BTBD16: variants seen among roughly 807,000 people sequenced by gnomAD.
The protein encoded by BTBD16 is BTB domain containing 16.
BTBD16 carries 66 observed loss-of-function variants against 67.4 expected under a neutral mutation model. The observed-to-expected ratio is 0.98, with a 90% CI of 0.80 to 1.20. The LOEUF is 1.20. Among genes scored for constraint, BTBD16 ranks in the 50% most tolerant of loss-of-function variants. The pLI is 0.00. For missense variants in BTBD16, 634 were observed against 616.0 expected (o/e 1.03, Z -0.31); for synonymous variants, 242 against 236.4 (o/e 1.02, Z -0.22).
chr10:122,274,219 T>G (rs534412886), intron 1 of BTBD16, among the ~76,000 whole-genome samples: 1 of 152,328 alleles, frequency 6.6e-6, no homozygotes, highest in African/African-American at 2.4e-5. Flanking sequence ...TTAGTCAAGG[T>G]GTCTGCCCTC....
chr10:122,291,359 C>A, intron 7 of BTBD16, 165 bp downstream of exon 7: 1 of 843,112 alleles, frequency 1.2e-6, no homozygotes, highest in Non-Finnish European at 1.7e-6. Context: ...GACACTAATT[C>A]ACACTAACAG....
At chr10:122,335,809 T>G (rs1210248077) in intron 14 of BTBD16, among the ~76,000 whole-genome samples, 1 of 152,220 alleles carries the variant, frequency 6.6e-6, no homozygotes, top group Non-Finnish European at 1.5e-5. Context: ...CATATCTTAT[T>G]AATCTTTTTA....
chr10:122,277,093 G>A (rs2096342329), intron 3 of BTBD16, among the ~76,000 whole-genome samples, 154 bp downstream of exon 3: 1 of 152,132 alleles, frequency 6.6e-6, no homozygotes, highest in Admixed American at 6.5e-5. Context: ...GGCATGGACA[G>A]GGTCATAAGT....
Position 122,291,091 on chromosome 10 carries a change from GC to G in BTBD16, c.490del (p.Leu164Ter). On this transcript the variant is annotated frameshift_variant, in exon 7 of 16. Transcript: ENST00000260723. LOFTEE classifies it high-confidence loss of function. ...PLVTKVAFAT[A>X]LKNLYMSEVE... ...CTGTGCCTCCCCAGCCTTCGCCACG[GC>G]CCTGAAGAACCTCTACATGAGTGAG... is the stretch of plus-strand genomic sequence containing the variant. 6.2e-7 allele frequency: 1 copy of G among 1,611,614 alleles called. No individual in the cohort carries two copies. Among genetic ancestry groups the G allele is most frequent in the East Asian group, 2.2e-5 (1 of 44,764 alleles).
chr10:122,286,024 G>T lies in BTBD16; in HGVS notation c.242-81G>T. On this transcript the variant is annotated intron_variant, in intron 4 of 15. Coordinates refer to ENST00000260723, the MANE Select transcript of BTBD16 (RefSeq NM_144587.5). Reference sequence around the variant, plus strand: ...GTGCTTAATGATCCACCGAGCAAAGGAGCTGGGGGAGAGGAAGCTGATGCA... The same window carrying T: ...GTGCTTAATGATCCACCGAGCAAAGTAGCTGGGGGAGAGGAAGCTGATGCA... 2.2e-6 allele frequency: 3 copies of T among 1,363,218 alleles called. No homozygotes were observed. In the South Asian group the frequency reaches 4.0e-5, roughly 18 times the overall value. The allele number at this position is 1,363,218 out of a possible 1,614,324, so 84.4% of individuals were successfully genotyped here. A position where few individuals can be genotyped will look rare whatever the true frequency, so the allele number is the denominator to read the frequency against.
At chr10:122,333,005 C>T (rs2096457693) in intron 13 of BTBD16, 4 of 981,342 alleles carry the variant, frequency 4.1e-6, no homozygotes, top group Non-Finnish European at 4.8e-6. Flanking sequence ...GGCATCTTGG[C>T]ACTTAGTGAC....
chr10:122,327,631 A>C, intron 10 of BTBD16: 1 of 985,390 alleles, frequency 1.0e-6, no homozygotes, highest in Non-Finnish European at 1.2e-6. Flanking sequence ...TCATCCACAA[A>C]AGTGGGCATC....
At chr10:122,314,483 G>A (rs2096420301) in intron 10 of BTBD16, among the ~76,000 whole-genome samples, 1 of 151,950 alleles carries the variant, frequency 6.6e-6, no homozygotes, top group South Asian at 2.1e-4. Context: ...CAGCCTAGAT[G>A]GCAAAGTGAG....
intron 10 of BTBD16, among the ~76,000 whole-genome samples, chr10:122,320,630 A>G (rs184011069): frequency 1.2e-4 from 19 of 152,186 alleles, no homozygotes; most frequent in African/African-American, 2.4e-4. Context: ...TCTTTGACCT[A>G]TGGATTATTT....
rs572340061 is a variant in BTBD16, at chr10:122,332,540, G to A, written c.1164+27G>A. The A allele has an allele frequency of 2.6e-5, 41 of 1,597,036 alleles. No individual in the cohort carries two copies. In the South Asian group the frequency reaches 3.6e-4, roughly 14 times the overall value. On this transcript the variant is annotated intron_variant, in intron 13 of 15. Transcript: ENST00000260723. Reference sequence around the variant, plus strand: ...TACTGAGAACTGTACCCGAACAAGGGGAAGAACTGTTCCTCTCGTGCTTAG... The same window carrying A: ...TACTGAGAACTGTACCCGAACAAGGAGAAGAACTGTTCCTCTCGTGCTTAG...
At chr10:122,337,261 G>T (rs1180920930) in intron 15 of BTBD16, among the ~76,000 whole-genome samples, 1 of 152,212 alleles carries the variant, frequency 6.6e-6, no homozygotes, top group East Asian at 1.9e-4. Flanking sequence ...GCCCCACCCA[G>T]ATCACCAGAC....
chr10:122,323,350 A>G, intron 10 of BTBD16, among the ~76,000 whole-genome samples: 1 of 152,166 alleles, frequency 6.6e-6, no homozygotes, highest in East Asian at 1.9e-4. Context: ...GCTACATTTC[A>G]AGTGGAACAG....
At chr10:122,327,461 C>A in intron 10 of BTBD16, 1 of 356,102 alleles carries the variant, frequency 2.8e-6, no homozygotes, top group Non-Finnish European at 3.9e-6. Flanking sequence ...CTCCCCAAGG[C>A]ACCACCTGTG....
intron 2 of BTBD16, 69 bp from the exon 3 acceptor site, chr10:122,276,722 T>G: frequency 6.3e-7 from 1 of 1,576,564 alleles, no homozygotes; most frequent in Non-Finnish European, 8.6e-7. Flanking sequence ...TGCTATACAA[T>G]TTGGAAAATC....
chr10:122,289,095 A>T (rs976480677), intron 5 of BTBD16, among the ~76,000 whole-genome samples: 2 of 152,042 alleles, frequency 1.3e-5, no homozygotes, highest in Non-Finnish European at 2.9e-5. Context: ...CCCAGAGTGG[A>T]GCTCTCTGGG....
At chr10:122,279,535 C>CACACAT (rs1554886556) in intron 3 of BTBD16, among the ~76,000 whole-genome samples, 1 of 151,790 alleles carries the variant, frequency 6.6e-6, no homozygotes, top group Non-Finnish European at 1.5e-5. Flanking sequence ...CACACACACA[C>CACACAT]ACACACACAC....
intron 10 of BTBD16, among the ~76,000 whole-genome samples, chr10:122,320,223 G>A (rs185890448): frequency 2.0e-5 from 3 of 152,018 alleles, no homozygotes; most frequent in Non-Finnish European, 4.4e-5. Context: ...ACAATATTCA[G>A]TACATTGTTG....
intron 10 of BTBD16, among the ~76,000 whole-genome samples, chr10:122,312,512 C>G (rs2096415905): frequency 1.3e-5 from 2 of 151,980 alleles, no homozygotes; most frequent in African/African-American, 4.8e-5. Context: ...GGGGGTTTCA[C>G]TATGTTGGCC....
At chr10:122,309,200 C>G (rs1005571637) in intron 10 of BTBD16, among the ~76,000 whole-genome samples, 2 of 152,252 alleles carry the variant, frequency 1.3e-5, no homozygotes, top group East Asian at 3.9e-4. Context: ...GATCATAGCT[C>G]ACTGCAGCCT....
Sources: allele counts gnomAD v4.1 joint callset (sites outside exome capture counted in the v4.1 genomes callset), GRCh38; gene constraint gnomAD v4.1.1; transcripts MANE v1.5; gene names NCBI Gene and HGNC (gene_info 2026-07-23, HGNC 2026-07-21).